The following UVSSA variants were observed in gnomAD, a reference collection of about 807,000 sequenced individuals.
The protein encoded by UVSSA is UV-stimulated scaffold protein A.
In UVSSA, 72 loss-of-function variants were observed where a neutral mutation model predicts 73.9. The ratio of observed to expected loss-of-function variants is 0.97; its 90% CI spans 0.81 to 1.19. UVSSA has a LOEUF of 1.19. Ranked by LOEUF, UVSSA falls within the 50% of genes most tolerant of loss-of-function variation. The probability of loss-of-function intolerance (pLI) is 0.00; values close to 1 mark genes in which losing one functional copy is unlikely to be tolerated. For synonymous variants in UVSSA, 454 were observed against 391.3 expected (o/e 1.16, Z -1.89); for missense variants, 1,150 against 965.0 (o/e 1.19, Z -2.54).
intron 7 of UVSSA, among the ~76,000 whole-genome samples, chr4:1,361,899 T>C (rs1315957484): frequency 1.3e-5 from 2 of 151,358 alleles, no homozygotes; most frequent in Non-Finnish European, 2.9e-5. Context: ...CACATAAAAC[T>C]GAACAAAAGT....
chr4:1,378,054 T>C (rs966527812), intron 10 of UVSSA, among the ~76,000 whole-genome samples: 5 of 152,174 alleles, frequency 3.3e-5, no homozygotes, highest in African/African-American at 1.2e-4. Flanking sequence ...CCACATTCCC[T>C]CACCAAGTGG....
upstream of UVSSA, among the ~76,000 whole-genome samples, chr4:1,345,524 C>T (rs1361636123): frequency 1.3e-5 from 2 of 151,862 alleles, no homozygotes; most frequent in Non-Finnish European, 2.9e-5. Context: ...GGGTGACTGT[C>T]ATCCCAGCTA....
At chr4:1,354,406 T>C (rs1369201694) in intron 5 of UVSSA, 2 of 337,412 alleles carry the variant, frequency 5.9e-6, no homozygotes, top group Middle Eastern at 9.3e-4. Context: ...GAGGGGAAGG[T>C]TCTGTGCCCG....
intron 7 of UVSSA, 44 bp downstream of exon 7, chr4:1,355,289 A>C: frequency 2.9e-6 from 4 of 1,378,960 alleles, no homozygotes; most frequent in Non-Finnish European, 4.0e-6. Flanking sequence ...CAGAGGCCTC[A>C]GTGGGGGAGG....
intron 8 of UVSSA, among the ~76,000 whole-genome samples, chr4:1,371,172 A>G (rs950675034): frequency 6.6e-6 from 1 of 151,970 alleles, no homozygotes. Flanking sequence ...ATGTGTGTGT[A>G]TGTACTCAGT....
intron 7 of UVSSA, chr4:1,357,830 A>T (rs924653227): frequency 1.3e-5 from 2 of 152,006 alleles, no homozygotes; most frequent in African/African-American, 2.4e-5. Flanking sequence ...TGCCTCAGGG[A>T]TGCTATATTC....
chr4:1,394,348 A>G, exon 14 of UVSSA: 1 of 1,248,904 alleles, frequency 8.0e-7, no homozygotes, highest in Non-Finnish European at 1.1e-6. Context: ...CTTCCCCCTT[A>G]AAGATTATAT....
intron 11 of UVSSA, 185 bp from the exon 12 acceptor site, chr4:1,380,695 C>T (rs1577375375): frequency 6.5e-7 from 1 of 1,542,686 alleles, no homozygotes; most frequent in South Asian, 1.2e-5. Flanking sequence ...GGAGCCATCC[C>T]CACGTCCCTG....
intron 4 of UVSSA, 58 bp downstream of exon 4, chr4:1,351,893 C>G: frequency 6.3e-7 from 1 of 1,595,504 alleles, no homozygotes; most frequent in Non-Finnish European, 8.6e-7. Context: ...CGTGGTCCAG[C>G]AGTTCATCCT....
chr4:1,392,827 G>A (rs1032555746), downstream of UVSSA: 1 of 152,184 alleles, frequency 6.6e-6, no homozygotes, highest in Non-Finnish European at 1.5e-5. Flanking sequence ...TATTGATATT[G>A]AATGTGGGTA....
rs777838953 is a variant in UVSSA at position 1,384,084 on chromosome 4, C to G, written c.2036+144C>G. Reference sequence around the variant, plus strand: ...CTTTGAGTTCCCCTGGGGGACCACCCAGCCTTTCCCCGGGGAGGGGCAGTG... The same window carrying G: ...CTTTGAGTTCCCCTGGGGGACCACCGAGCCTTTCCCCGGGGAGGGGCAGTG... On this transcript the variant is annotated intron_variant, in intron 13 of 13. Transcript: ENST00000389851. The G allele has an allele frequency of 6.3e-6, 7 of 1,115,012 alleles. No individual in the cohort carries two copies. In the South Asian group the frequency reaches 1.0e-4, roughly 16 times the overall value. The allele number at this position is 1,115,012 out of a possible 1,614,324, so 69.1% of individuals were successfully genotyped here.
rs1714405474 is a variant in UVSSA, at chr4:1,349,808, A to G, written c.383A>G (p.Tyr128Cys). 1.3e-6 allele frequency: 2 copies of G among 1,585,646 alleles called. No homozygotes were observed. Among genetic ancestry groups the G allele is most frequent in the East Asian group, 2.3e-5 (1 of 44,436 alleles). The stretch of plus-strand genomic sequence containing the variant: ...TGGAATGAGAAGTTTGGGGAGGCCT[A>G]CAAGAAGCTTGCCTTGGGCTACCAC... ...EGWNEKFGEA[Y>C]KKLALGYHFL... The change falls in exon 3 of 14, where the codon TAC becomes TGC. Residue 128 changes from tyrosine to cysteine, a missense_variant. Tyr to Cys is a radical substitution (Grantham distance 194, BLOSUM62 -2). Coordinates refer to ENST00000389851, the MANE Select transcript of UVSSA (RefSeq NM_020894.4).
intron 7 of UVSSA, 61 bp from the exon 8 acceptor site, chr4:1,366,259 C>T (rs78791846): frequency 9.0e-5 from 121 of 1,338,330 alleles, no homozygotes; most frequent in East Asian, 8.7e-4. Flanking sequence ...CTCTGCCCAC[C>T]GGGAGCTGTG....
In UVSSA at chr4:1,348,057, G is replaced by T. The variant is rs1425922036; in HGVS notation, c.-2-33G>T. On this transcript the variant is annotated intron_variant, in intron 1 of 13. Transcript: ENST00000389851. Reference sequence around the variant, plus strand: ...CACCGAGAGCTATAAAATACAGATGGTGATATAGCATCTCTGCCTTACTTA... The same window carrying T: ...CACCGAGAGCTATAAAATACAGATGTTGATATAGCATCTCTGCCTTACTTA... 3.3e-6 allele frequency: 5 copies of T among 1,509,634 alleles called. No homozygotes were observed. In the South Asian group the frequency reaches 5.6e-5, roughly 17 times the overall value. The allele number at this position is 1,509,634 out of a possible 1,614,324, so 93.5% of individuals were successfully genotyped here.
chr4:1,380,330 G>A (rs1719329921), intron 11 of UVSSA, 100 bp downstream of exon 11: 3 of 1,397,704 alleles, frequency 2.1e-6, no homozygotes, highest in Non-Finnish European at 1.9e-6. Flanking sequence ...GGGTCAGGGT[G>A]CTTGTGAGCA....
chr4:1,345,382 C>T (rs951417616), upstream of UVSSA, among the ~76,000 whole-genome samples: 1 of 152,118 alleles, frequency 6.6e-6, no homozygotes, highest in South Asian at 2.1e-4. Context: ...CGGTGGCTCA[C>T]GCCTGTAATC....
chr4:1,354,946 A>C, intron 6 of UVSSA, 99 bp downstream of exon 6: 1 of 1,537,818 alleles, frequency 6.5e-7, no homozygotes, highest in Non-Finnish European at 8.8e-7. Flanking sequence ...CCGGTGACTG[A>C]ATGGCCCTTA....
chr4:1,394,781 C>A (rs550621315), exon 14 of UVSSA: 2 of 1,570,712 alleles, frequency 1.3e-6, no homozygotes, highest in Non-Finnish European at 1.7e-6. Context: ...TCACATGTGC[C>A]GATGTGGAGT....
intron 11 of UVSSA, 39 bp downstream of exon 11, chr4:1,380,269 G>A: frequency 6.3e-7 from 1 of 1,584,160 alleles, no homozygotes; most frequent in Non-Finnish European, 8.6e-7. Flanking sequence ...GGTGTGGGCT[G>A]GACCAGGTGG....
Sources: allele counts gnomAD v4.1 joint callset (sites outside exome capture counted in the v4.1 genomes callset), GRCh38; gene constraint gnomAD v4.1.1; transcripts MANE v1.5; gene names NCBI Gene and HGNC (gene_info 2026-07-23, HGNC 2026-07-21).